Variants in VPS54 observed in about 807,000 individuals in gnomAD.
VPS54 encodes VPS54 subunit of GARP complex.
VPS54 carries 45 observed loss-of-function variants against 121.5 expected under a neutral mutation model. That is an observed-to-expected ratio of 0.37 (90% CI 0.29 to 0.47). The LOEUF is 0.47. VPS54 is among the 20% of genes least tolerant of loss of function. The probability of loss-of-function intolerance (pLI) is 0.99; values close to 1 mark genes in which losing one functional copy is unlikely to be tolerated. For synonymous variants in VPS54, 371 were observed against 385.8 expected, an observed-to-expected ratio of 0.96 and a Z score of 0.45; for missense variants, 1,090 against 1,131.4, an observed-to-expected ratio of 0.96 and a Z score of 0.52.
chr2:63,912,489 A>G, intron 19 of VPS54, 51 bp downstream of exon 19: 1 of 1,609,604 alleles, frequency 6.2e-7, no homozygotes, highest in South Asian at 1.1e-5. Context: ...ATACTTAACA[A>G]TTAAGGATCT....
intron 20 of VPS54, among the ~76,000 whole-genome samples, chr2:63,901,927 A>ACC (rs1235150230): frequency 2.0e-5 from 3 of 152,184 alleles, no homozygotes; most frequent in Non-Finnish European, 4.4e-5. Flanking sequence ...AGGCAGCAGA[A>ACC]TTGCTTGAAC....
chr2:63,994,565 G>A (rs893095055), intron 1 of VPS54, among the ~76,000 whole-genome samples: 1 of 152,184 alleles, frequency 6.6e-6, no homozygotes, highest in Non-Finnish European at 1.5e-5. Flanking sequence ...ACCCACCTCT[G>A]TGCCTCGGAC....
intron 12 of VPS54, among the ~76,000 whole-genome samples, chr2:63,932,318 T>C (rs901573763): frequency 6.6e-6 from 1 of 152,222 alleles, no homozygotes; most frequent in Non-Finnish European, 1.5e-5. Flanking sequence ...CGTGGAATAC[T>C]ATGCAGCCAT....
chr2:64,015,618 A>C (rs1323475545), intron 1 of VPS54, among the ~76,000 whole-genome samples: 4 of 152,204 alleles, frequency 2.6e-5, no homozygotes, highest in African/African-American at 9.6e-5. Context: ...ATGACAACCA[A>C]AAATGTCTCT....
chr2:63,956,536 T>C (rs1233787021), intron 7 of VPS54, among the ~76,000 whole-genome samples: 1 of 152,164 alleles, frequency 6.6e-6, no homozygotes, highest in African/African-American at 2.4e-5. Flanking sequence ...GTATTGATGT[T>C]CAGAGTGATC....
intron 3 of VPS54, among the ~76,000 whole-genome samples, chr2:63,977,199 G>C (rs1368291944): frequency 2.6e-5 from 4 of 152,074 alleles, no homozygotes; most frequent in Non-Finnish European, 4.4e-5. Flanking sequence ...TTTTGCTTTT[G>C]TTGATTTTCT....
At chr2:63,940,138 C>T (rs1252831031) in intron 11 of VPS54, among the ~76,000 whole-genome samples, 1 of 152,040 alleles carries the variant, frequency 6.6e-6, no homozygotes. Flanking sequence ...TATAATATTC[C>T]ATGGTAAAGA....
At chr2:63,968,877 A>T in intron 5 of VPS54, 80 bp downstream of exon 5, 1 of 1,272,226 alleles carries the variant, frequency 7.9e-7, no homozygotes, top group Non-Finnish European at 1.1e-6. Flanking sequence ...AAAAAAAAAA[A>T]GCCAAATGAA....
At chr2:63,997,564 A>C (rs1487461874) in intron 1 of VPS54, among the ~76,000 whole-genome samples, 2 of 151,788 alleles carry the variant, frequency 1.3e-5, no homozygotes, top group Admixed American at 6.6e-5. Context: ...TTCATCTCTG[A>C]TCTTTTGGGG....
At chr2:64,006,684 C>T (rs768800019) in intron 1 of VPS54, among the ~76,000 whole-genome samples, 1 of 151,878 alleles carries the variant, frequency 6.6e-6, no homozygotes, top group Non-Finnish European at 1.5e-5. Context: ...GTGGTGCAAT[C>T]GCGGCTTCAC....
intron 11 of VPS54, among the ~76,000 whole-genome samples, chr2:63,938,195 G>C (rs1674555384): frequency 6.6e-6 from 1 of 151,856 alleles, no homozygotes; most frequent in Non-Finnish European, 1.5e-5. Flanking sequence ...TCAAACTCTG[G>C]TCTCAAGCGA....
chr2:63,962,988 C>G (rs1386540798), intron 6 of VPS54, among the ~76,000 whole-genome samples: 1 of 152,044 alleles, frequency 6.6e-6, no homozygotes, highest in African/African-American at 2.4e-5. Context: ...CATGTAGTTA[C>G]TAAGTAGCAA....
intron 12 of VPS54, among the ~76,000 whole-genome samples, chr2:63,921,915 G>A (rs1260651129): frequency 6.6e-6 from 1 of 152,238 alleles, no homozygotes; most frequent in African/African-American, 2.4e-5. Context: ...TTAGGTACAA[G>A]GTAGTAGCTA....
chr2:63,919,263 CT>C (rs1338416538), intron 15 of VPS54, among the ~76,000 whole-genome samples: 1 of 151,954 alleles, frequency 6.6e-6, no homozygotes, highest in East Asian at 1.9e-4. Context: ...CTGGTTCTTC[CT>C]TTTTTGTCTC....
chr2:63,917,893 G>C (rs1673463993), intron 15 of VPS54, among the ~76,000 whole-genome samples: 1 of 151,842 alleles, frequency 6.6e-6, no homozygotes, highest in Non-Finnish European at 1.5e-5. Context: ...TTCTAAATTT[G>C]TAAAATAGGA....
intron 1 of VPS54, among the ~76,000 whole-genome samples, chr2:64,005,141 T>C (rs1274273011): frequency 2.4e-5 from 3 of 125,294 alleles, no homozygotes; most frequent in East Asian, 2.4e-4. Context: ...TCCCGCTCTT[T>C]AGCCCAGGCC....
At chr2:63,984,823 T>C (rs1217743305) in intron 1 of VPS54, among the ~76,000 whole-genome samples, 2 of 152,158 alleles carry the variant, frequency 1.3e-5, no homozygotes, top group Admixed American at 6.5e-5. Context: ...ACTTTATAAA[T>C]GAAGCAATAT....
At chr2:63,964,494 GTAT>G (rs1320536871) in intron 6 of VPS54, among the ~76,000 whole-genome samples, 3 of 151,938 alleles carry the variant, frequency 2.0e-5, no homozygotes, top group Admixed American at 2.0e-4. Flanking sequence ...TCTTTTTAAG[GTAT>G]TATTCTCTCA....
intron 20 of VPS54, among the ~76,000 whole-genome samples, chr2:63,908,920 C>T (rs759599922): frequency 2.6e-5 from 4 of 152,170 alleles, no homozygotes; most frequent in Non-Finnish European, 5.9e-5. Context: ...TTTAGGTCTA[C>T]CTGACTCCAA....
Sources: gnomAD v4.1 joint callset for allele counts (sites outside exome capture counted in the v4.1 genomes callset) on GRCh38, gnomAD v4.1.1 for gene constraint, MANE v1.5 for transcripts, NCBI Gene and HGNC (gene_info 2026-07-23, HGNC 2026-07-21) for gene names.